Variants in EIF4E observed in about 807,000 individuals in gnomAD.
The protein encoded by EIF4E is eIF-4F 25 kDa subunit.
For missense variants in EIF4E, 113 were observed against 265.6 expected (o/e 0.43, Z 3.99); for synonymous variants, 71 against 88.5 (o/e 0.80, Z 1.11).
At chr4:98,913,602 G>A (rs950403140) in intron 1 of EIF4E, among the ~76,000 whole-genome samples, 1 of 152,022 alleles carries the variant, frequency 6.6e-6, no homozygotes, top group Admixed American at 6.5e-5. Context: ...CACCACACCT[G>A]CCTTTTTATG....
chr4:98,901,731 G>T, intron 2 of EIF4E, 145 bp downstream of exon 2: 1 of 773,756 alleles, frequency 1.3e-6, no homozygotes, highest in Non-Finnish European at 2.3e-6. Context: ...CTGTCTGCTG[G>T]TCATGGGTCA....
intron 2 of EIF4E, 75 bp from the exon 3 acceptor site, chr4:98,891,407 A>G (rs1724138052): frequency 1.5e-6 from 2 of 1,369,778 alleles, no homozygotes; most frequent in East Asian, 4.9e-5. Context: ...CACAAAAGTC[A>G]AAAGGTAGAA....
At chr4:98,928,515 C>G (rs1400363145) in intron 1 of EIF4E, among the ~76,000 whole-genome samples, 3 of 152,094 alleles carry the variant, frequency 2.0e-5, no homozygotes, top group Non-Finnish European at 4.4e-5. Flanking sequence ...GGTCGAAGCT[C>G]CTCCGCGCGT....
chr4:98,908,734 T>A (rs1464665965), intron 1 of EIF4E, among the ~76,000 whole-genome samples: 1 of 152,192 alleles, frequency 6.6e-6, no homozygotes, highest in African/African-American at 2.4e-5. Context: ...ATACATATTA[T>A]CTCAACATAC....
chr4:98,897,615 TTTCA>T (rs1211563068), intron 2 of EIF4E, among the ~76,000 whole-genome samples: 1 of 152,092 alleles, frequency 6.6e-6, no homozygotes, highest in Admixed American at 6.5e-5. Flanking sequence ...ACATTACCAG[TTTCA>T]TTAAATTTCA....
In EIF4E at chr4:98,887,007, AAACAT is replaced by A. The variant is rs777029697; in HGVS notation, c.399+67_399+71del. On this transcript the variant is annotated intron_variant, in intron 5 of 6. Transcript: ENST00000450253. The surrounding 1 kb of genome is among the most constrained non-coding windows in gnomAD (Gnocchi z 4.0). ...TCTCTTAAATTAAGTAACAAATGTAAAACATAACATATCTTAAGTATCAGTATTCC... is the reference window on the plus strand; with the variant it reads ...TCTCTTAAATTAAGTAACAAATGTAAAACATATCTTAAGTATCAGTATTCC... 1.1e-5 allele frequency: 16 copies of A among 1,457,348 alleles called. No homozygotes were observed. Among genetic ancestry groups the A allele is most frequent in the African/African-American group, 1.4e-5 (1 of 71,960 alleles). 90.3% of individuals were successfully genotyped at this position (1,457,348 alleles called of 1,614,324 possible).
At chr4:98,884,810 A>G in intron 6 of EIF4E, 112 bp downstream of exon 6, 1 of 1,417,318 alleles carries the variant, frequency 7.1e-7, no homozygotes, top group Non-Finnish European at 9.8e-7. Flanking sequence ...CGAAAACAAT[A>G]CAAGGAAAAC....
intron 1 of EIF4E, among the ~76,000 whole-genome samples, chr4:98,910,854 C>A (rs764911786): frequency 2.0e-5 from 3 of 149,958 alleles, no homozygotes; most frequent in South Asian, 2.1e-4. Flanking sequence ...CTCAGCTTCA[C>A]GAGTAGCTGG....
intron 6 of EIF4E, among the ~76,000 whole-genome samples, chr4:98,881,636 T>C (rs1170706263): frequency 3.9e-5 from 6 of 152,170 alleles, no homozygotes; most frequent in African/African-American, 9.7e-5. Context: ...CTAGCAAATA[T>C]TGTATATTAC....
intron 1 of EIF4E, among the ~76,000 whole-genome samples, chr4:98,905,995 C>A (rs1001791094): frequency 4.6e-5 from 7 of 152,200 alleles, no homozygotes; most frequent in Non-Finnish European, 1.0e-4. Flanking sequence ...ACTTTAGGTT[C>A]TCCTCATCAT....
At chr4:98,881,282 C>T (rs1370258726) in intron 6 of EIF4E, 140 bp from the exon 7 acceptor site, 3 of 1,417,280 alleles carry the variant, frequency 2.1e-6, no homozygotes, top group South Asian at 1.4e-5. Context: ...AATTATACAC[C>T]CTTTTCCTTT....
chr4:98,891,028 CAAT>C, intron 3 of EIF4E: 1 of 611,490 alleles, frequency 1.6e-6, no homozygotes, highest in Non-Finnish European at 2.9e-6. Context: ...GGACAAGAAA[CAAT>C]AATTGGGGCT....
intron 5 of EIF4E, among the ~76,000 whole-genome samples, chr4:98,885,849 G>A (rs1334413996): frequency 1.3e-5 from 2 of 152,082 alleles, no homozygotes; most frequent in East Asian, 1.9e-4. Context: ...CAACATTGTT[G>A]TACAACCATC....
chr4:98,909,860 C>T (rs972585454), intron 1 of EIF4E: 6 of 659,052 alleles, frequency 9.1e-6, no homozygotes, highest in African/African-American at 3.6e-5. Flanking sequence ...GTCCCCCAAG[C>T]GCCATGAGAA....
intron 3 of EIF4E, among the ~76,000 whole-genome samples, chr4:98,889,655 G>A (rs192643696): frequency 6.6e-6 from 1 of 152,158 alleles, no homozygotes; most frequent in Admixed American, 6.5e-5. Flanking sequence ...TCTAAGTTAT[G>A]GTATAAAAAC....
At chr4:98,886,643 G>A in intron 5 of EIF4E, 2 of 344,734 alleles carry the variant, frequency 5.8e-6, no homozygotes, top group Non-Finnish European at 1.1e-5. Flanking sequence ...TGAACCCAGA[G>A]GGTGAGGCTG....
At chr4:98,892,561 A>T (rs2110187077) in intron 2 of EIF4E, among the ~76,000 whole-genome samples, 1 of 151,800 alleles carries the variant, frequency 6.6e-6, no homozygotes, top group Non-Finnish European at 1.5e-5. Flanking sequence ...ATGTGCCTGT[A>T]ATTACAGCTA....
chr4:98,891,180 T>C, intron 3 of EIF4E, 57 bp downstream of exon 3: 2 of 1,582,366 alleles, frequency 1.3e-6, no homozygotes, highest in Non-Finnish European at 1.7e-6. Flanking sequence ...GACTTAAAAA[T>C]AAAAAAACTA....
At chr4:98,911,364 A>G (rs1265420427) in intron 1 of EIF4E, among the ~76,000 whole-genome samples, 1 of 145,772 alleles carries the variant, frequency 6.9e-6, no homozygotes, top group Non-Finnish European at 1.5e-5. Flanking sequence ...TAACTACTAG[A>G]AAGAGTTGTA....
Sources: gnomAD v4.1 joint callset for allele counts (sites outside exome capture counted in the v4.1 genomes callset) on GRCh38, gnomAD v4.1.1 for gene constraint, Gnocchi (gnomAD v3.1) non-coding constraint, MANE v1.5 for transcripts, NCBI Gene and HGNC (gene_info 2026-07-23, HGNC 2026-07-21) for gene names.